SEMA4F: variants seen among roughly 807,000 people sequenced by gnomAD.
SEMA4F encodes the protein semaphorin-4F.
A neutral mutation model predicts 78.4 loss-of-function variants in SEMA4F; 51 were observed. The observed-to-expected ratio is 0.65, with a 90% confidence interval of 0.52 to 0.82. The LOEUF is 0.82. Ranked by LOEUF, SEMA4F falls within the 40% of genes least tolerant of loss-of-function variation. SEMA4F has a pLI of 0.00. For synonymous variants in SEMA4F, 418 were observed against 408.7 expected (o/e 1.02, Z -0.27); for missense variants, 938 against 1,014.4 (o/e 0.92, Z 1.02).
intron 12 of SEMA4F, 128 bp from the exon 13 acceptor site, chr2:74,679,148 G>T: frequency 1.2e-6 from 1 of 804,260 alleles, no homozygotes; most frequent in South Asian, 1.5e-5. Flanking sequence ...GGAGAAACTT[G>T]ACTGATAATT....
the SEMA4F span, among the ~76,000 whole-genome samples, chr2:74,692,755 G>A: frequency 1.3e-5 from 2 of 152,218 alleles, no homozygotes; most frequent in Non-Finnish European, 2.9e-5. Context: ...GAGGGGCAGG[G>A]ACCAGGCAGA....
intron 5 of SEMA4F, among the ~76,000 whole-genome samples, chr2:74,668,732 T>C (rs1368317693): frequency 6.6e-6 from 1 of 151,388 alleles, no homozygotes; most frequent in African/African-American, 2.4e-5. Context: ...TGTCTTGAAG[T>C]GATTCTCCTG....
chr2:74,682,415 C>CAA lies in SEMA4F; in HGVS notation c.*2221_*2222dup, dbSNP rs370845200. On this transcript the variant is annotated 3_prime_UTR_variant, in exon 14 of 14. Coordinates refer to ENST00000357877, the MANE Select transcript of SEMA4F (RefSeq NM_004263.5). ...TGGGCAACAGAGCAAAACTCCGTCT[C>CAA]AAAAAAAAAAAAAAAAGATAACCAT... is the stretch of plus-strand genomic sequence containing the variant. 5.6e-4 allele frequency: 53 copies of CAA among 95,034 alleles called. No homozygotes were observed. Among genetic ancestry groups the CAA allele is most frequent in the African/African-American group, 1.5e-3 (44 of 29,222 alleles). 5.9% of individuals were successfully genotyped at this position (95,034 alleles called of 1,614,324 possible).
intron 7 of SEMA4F, 54 bp from the exon 8 acceptor site, chr2:74,674,444 C>A: frequency 1.3e-6 from 2 of 1,528,578 alleles, no homozygotes; most frequent in South Asian, 2.5e-5. Flanking sequence ...TCTCCATGCT[C>A]CTTGCCCAAT....
chr2:74,705,086 C>A, the SEMA4F span, among the ~76,000 whole-genome samples: 1 of 152,124 alleles, frequency 6.6e-6, no homozygotes, highest in Non-Finnish European at 1.5e-5. Context: ...TTCAGTCCAA[C>A]ATTTTCTAAA....
chr2:74,703,963 T>C, the SEMA4F span, among the ~76,000 whole-genome samples: 1 of 152,124 alleles, frequency 6.6e-6, no homozygotes, highest in African/African-American at 2.4e-5. Context: ...TTGGGGGTGG[T>C]AGCCAGGTGT....
chr2:74,709,294 G>A, the SEMA4F span, among the ~76,000 whole-genome samples: 1 of 152,210 alleles, frequency 6.6e-6, no homozygotes, highest in Non-Finnish European at 1.5e-5. Context: ...CAGAAACTGT[G>A]GAGGCCAGAG....
the SEMA4F span, among the ~76,000 whole-genome samples, chr2:74,703,064 G>A: frequency 5.3e-5 from 8 of 152,236 alleles, no homozygotes; most frequent in Middle Eastern, 3.4e-3. Context: ...AGAAAAATCC[G>A]TGAGCAAAAC....
downstream of SEMA4F, among the ~76,000 whole-genome samples, chr2:74,686,879 G>A (rs1220666860): frequency 6.6e-6 from 1 of 151,866 alleles, no homozygotes; most frequent in East Asian, 1.9e-4. Flanking sequence ...GCCTGTTGGA[G>A]GGTGGGGGGC....
At chr2:74,688,865 T>C in the SEMA4F span, among the ~76,000 whole-genome samples, 4 of 152,226 alleles carry the variant, frequency 2.6e-5, no homozygotes, top group Non-Finnish European at 5.9e-5. Context: ...CAACTACTTA[T>C]GTATCAATTG....
chr2:74,661,424 G>A (rs1684418565), intron 4 of SEMA4F, among the ~76,000 whole-genome samples: 1 of 152,162 alleles, frequency 6.6e-6, no homozygotes. Flanking sequence ...TTGGTTGGTG[G>A]GGGTGGCTAG....
Position 74,683,089 on chromosome 2 carries a change from TTC to T in SEMA4F, c.*2883_*2884del, listed in dbSNP as rs1204751300. The T allele has an allele frequency of 1.3e-5, 2 of 152,582 alleles. No homozygotes were observed. Among genetic ancestry groups the T allele is most frequent in the Non-Finnish European group, 2.9e-5 (2 of 68,360 alleles). The allele number at this position is 152,582 out of a possible 1,614,324, so 9.5% of individuals were successfully genotyped here. Reference sequence around the variant, plus strand: ...TTCTAGGGACCTGTGAGTATCAGCTTTCTCGATGACAGTCATTTCTGTGTCTA... The same window carrying T: ...TTCTAGGGACCTGTGAGTATCAGCTTTCGATGACAGTCATTTCTGTGTCTA... On this transcript the variant is annotated 3_prime_UTR_variant, in exon 14 of 14. Coordinates refer to ENST00000357877, the MANE Select transcript of SEMA4F (RefSeq NM_004263.5).
In SEMA4F at chr2:74,673,455, A is replaced by AG. The variant is rs749720924; in HGVS notation, c.556dup. ...GCCCATCTCCTCCCTGTCGCCCTGCAGGGGGGGTCCTCTATGCTGCCACTG... is the reference window on the plus strand; with the variant it reads ...GCCCATCTCCTCCCTGTCGCCCTGCAGGGGGGGGTCCTCTATGCTGCCACTG... On this transcript the variant is annotated splice_acceptor_variant, in intron 5 of 13. Coordinates refer to ENST00000357877, the MANE Select transcript of SEMA4F (RefSeq NM_004263.5). LOFTEE classifies it high-confidence loss of function. The AG allele has an allele frequency of 3.1e-4, 502 of 1,613,770 alleles. No individual in the cohort carries two copies. The highest frequency in any genetic ancestry group is 3.8e-4 in the Non-Finnish European group (449 of 1,179,916).
rs146294784 is a variant in SEMA4F at position 74,675,870 on chromosome 2, G to A, written c.1604G>A (p.Arg535Gln). 407 of 1,613,976 alleles carry A rather than the reference G, an allele frequency of 2.5e-4. No individual in the cohort carries two copies. The highest frequency in any genetic ancestry group is 3.2e-4 in the Non-Finnish European group (372 of 1,180,012). The change falls in exon 12 of 14, where the codon CGG (arginine) becomes CAG (glutamine). Residue 535 changes from arginine to glutamine, a missense_variant. By Grantham distance (43) the Arg-to-Gln change is conservative. Transcript: ENST00000357877. ...AQDPVCAWSFRLDECVAHAGE... is the reference protein window; with the variant it reads ...AQDPVCAWSFQLDECVAHAGE... ...GACCCAGTCTGTGCCTGGAGCTTCC[G>A]GCTGGATGAGTGTGTGGCCCATGCC...
Position 74,679,796 on chromosome 2 carries a change from G to A in SEMA4F, c.1900G>A (p.Gly634Arg), listed in dbSNP as rs1685496054. The stretch of plus-strand genomic sequence containing the variant: ...TTATGCCTGTGAATGTCAGGAGGGT[G>A]GGGCAGCCCATGTGGTAGCAGCTTA... ...GAYACECQEG[G>R]AAHVVAAYSL... Residue 634 changes from glycine to arginine, a missense_variant, in exon 14 of 14, where the codon GGG (glycine) becomes AGG (arginine). By Grantham distance (125) the Gly-to-Arg change is moderately radical. Coordinates refer to ENST00000357877, the MANE Select transcript of SEMA4F (RefSeq NM_004263.5). The A allele has an allele frequency of 6.2e-7, 1 of 1,614,082 alleles. No homozygotes were observed. The highest frequency in any genetic ancestry group is 1.3e-5 in the African/African-American group (1 of 74,938).
At chr2:74,663,186 A>G (rs1684513827) in intron 5 of SEMA4F, among the ~76,000 whole-genome samples, 1 of 152,270 alleles carries the variant, frequency 6.6e-6, no homozygotes, top group Non-Finnish European at 1.5e-5. Context: ...GAAAACTTCT[A>G]GAACAGCACT....
rs749469429 is a variant in SEMA4F, at chr2:74,680,007, C to G, written c.2111C>G (p.Ala704Gly). The G allele has an allele frequency of 1.5e-5, 25 of 1,614,112 alleles. No individual in the cohort carries two copies. Among genetic ancestry groups the G allele is most frequent in the Non-Finnish European group, 1.9e-5 (23 of 1,180,046 alleles). Reference protein sequence around the residue: ...ARDKVGLDLGAPPSGTTSYSQ... With the variant: ...ARDKVGLDLGGPPSGTTSYSQ... ...GACAAGGTGGGCCTGGACCTGGGGGCTCCACCTTCTGGGACCACAAGCTAC... is the reference window on the plus strand; with the variant it reads ...GACAAGGTGGGCCTGGACCTGGGGGGTCCACCTTCTGGGACCACAAGCTAC... The change falls in exon 14 of 14, where the codon GCT becomes GGT. Residue 704 changes from alanine (A) to glycine (G), a missense_variant. By Grantham distance (60) the Ala-to-Gly change is moderately conservative. Coordinates refer to ENST00000357877, the MANE Select transcript of SEMA4F (RefSeq NM_004263.5).
downstream of SEMA4F, chr2:74,683,861 T>G (rs1346981603): frequency 6.6e-6 from 1 of 152,198 alleles, no homozygotes; most frequent in Non-Finnish European, 1.5e-5. Flanking sequence ...CCTATGAGTT[T>G]GTGGAGAAAA....
intron 4 of SEMA4F, among the ~76,000 whole-genome samples, chr2:74,659,080 T>C (rs138729592): frequency 9.9e-4 from 151 of 152,338 alleles, no homozygotes; most frequent in African/African-American, 3.2e-3. Flanking sequence ...ATGCAGGTGA[T>C]ACACACTCCC....
Sources: gnomAD v4.1 joint callset for allele counts (sites outside exome capture counted in the v4.1 genomes callset) on GRCh38, gnomAD v4.1.1 for gene constraint, MANE v1.5 for transcripts, NCBI Gene and HGNC (gene_info 2026-07-23, HGNC 2026-07-21) for gene names.